The following REV1 variants were observed in gnomAD, a reference collection of about 807,000 sequenced individuals.
The protein encoded by REV1 is REV1 DNA directed polymerase, also known as translesion synthesis protein REV1.
REV1 carries 42 observed loss-of-function variants against 137.4 expected under a neutral mutation model. The observed-to-expected ratio is 0.31, with a 90% CI of 0.24 to 0.40. The LOEUF is 0.40. Ranked by LOEUF, REV1 falls within the 10% of genes least tolerant of loss-of-function variation. The pLI is 1.00. For missense variants in REV1, 1,282 were observed against 1,490.1 expected, an observed-to-expected ratio of 0.86 and a Z score of 2.30; for synonymous variants, 524 against 519.2, an observed-to-expected ratio of 1.01 and a Z score of -0.12.
chr2:99,465,107 C>A, intron 1 of REV1, 122 bp from the exon 2 acceptor site: 2 of 566,314 alleles, frequency 3.5e-6, no homozygotes, highest in Non-Finnish European at 2.9e-6. Context: ...TGAAAGTATA[C>A]AATATTAAGT....
chr2:99,483,017 C>CAA (rs540388372), intron 1 of REV1, among the ~76,000 whole-genome samples: 99 of 104,734 alleles, frequency 9.5e-4, no homozygotes, highest in African/African-American at 1.9e-3. Flanking sequence ...AACTCCGTTT[C>CAA]AAAAAAAAAA....
In REV1 at chr2:99,403,037, G is replaced by T. The variant is rs759163700; in HGVS notation, c.3236C>A (p.Thr1079Asn). 1.2e-6 allele frequency: 2 copies of T among 1,613,768 alleles called. No homozygotes were observed. The highest frequency in any genetic ancestry group is 1.3e-5 in the African/African-American group (1 of 74,842). ...KEKKRNKKKK[T>N]IGSPKRIQSP... ...CTGAATCCTTTTTGGTGAACCAATG[G>T]TTTTTTTCTTCTTGTTTCTTTTCTT... is the stretch of plus-strand genomic sequence containing the variant. The change falls in exon 20 of 23, where the codon ACC becomes AAC. Residue 1079 changes from threonine (T) to asparagine (N), a missense_variant. By Grantham distance (65) the Thr-to-Asn change is moderately conservative. Around this residue, in one of 7 missense-constraint regions of REV1, gnomAD observed 170 missense variants for 156.8 expected, o/e 1.08. Coordinates refer to ENST00000258428, the MANE Select transcript of REV1 (RefSeq NM_016316.4).
chr2:99,421,679 A>G, intron 10 of REV1, 26 bp from the exon 11 acceptor site: 1 of 1,596,460 alleles, frequency 6.3e-7, no homozygotes, highest in Non-Finnish European at 8.5e-7. Flanking sequence ...AAAGGCAACG[A>G]ATCACAGCCA....
chr2:99,420,955 G>A (rs140722354), intron 11 of REV1, among the ~76,000 whole-genome samples: 1 of 152,294 alleles, frequency 6.6e-6, no homozygotes, highest in Non-Finnish European at 1.5e-5. Flanking sequence ...CAGAGGACAC[G>A]GCTGGAAGAA....
chr2:99,459,186 T>G (rs1057207987), intron 3 of REV1, among the ~76,000 whole-genome samples: 2 of 146,748 alleles, frequency 1.4e-5, no homozygotes, highest in Non-Finnish European at 1.5e-5. Context: ...CCAGCCTGGG[T>G]GACAGAGTGA....
chr2:99,425,514 A>G (rs192395397), intron 9 of REV1, among the ~76,000 whole-genome samples: 1 of 152,328 alleles, frequency 6.6e-6, no homozygotes, highest in African/African-American at 2.4e-5. Context: ...GCACTTGCCT[A>G]GAAAAGGATG....
At chr2:99,489,210 G>A (rs1203067517) in intron 1 of REV1, among the ~76,000 whole-genome samples, 1 of 152,156 alleles carries the variant, frequency 6.6e-6, no homozygotes, top group African/African-American at 2.4e-5. Flanking sequence ...AAGCAGCAAG[G>A]AAAAACAAGG....
intron 7 of REV1, 70 bp downstream of exon 7, chr2:99,435,764 T>C (rs1680667337): frequency 1.2e-6 from 1 of 801,060 alleles, no homozygotes; most frequent in Non-Finnish European, 1.9e-6. Context: ...AAAAAAGATT[T>C]TGTAATCTCT....
At chr2:99,449,538 T>A in intron 3 of REV1, 34 bp from the exon 4 acceptor site, 1 of 1,192,624 alleles carries the variant, frequency 8.4e-7, no homozygotes, top group Non-Finnish European at 1.1e-6. Flanking sequence ...ATTAAGAGTC[T>A]TATGTGTAAG....
At chr2:99,484,491 T>A (rs994772801) in intron 1 of REV1, among the ~76,000 whole-genome samples, 2 of 152,232 alleles carry the variant, frequency 1.3e-5, no homozygotes, top group Non-Finnish European at 2.9e-5. Context: ...AAGACATTTA[T>A]GTTTTCTTAA....
At chr2:99,434,899 T>A (rs1680547859) in intron 7 of REV1, among the ~76,000 whole-genome samples, 1 of 152,194 alleles carries the variant, frequency 6.6e-6, no homozygotes, top group Non-Finnish European at 1.5e-5. Context: ...CAATCTGACC[T>A]ACCACATTAT....
At chr2:99,463,456 T>G (rs894900140) in intron 2 of REV1, among the ~76,000 whole-genome samples, 1 of 151,520 alleles carries the variant, frequency 6.6e-6, no homozygotes, top group African/African-American at 2.4e-5. Context: ...AAGGTGGAGG[T>G]TGCAAACGAG....
At chr2:99,453,355 CAAA>C (rs202156661) in intron 3 of REV1, among the ~76,000 whole-genome samples, 2 of 126,956 alleles carry the variant, frequency 1.6e-5, no homozygotes, top group Non-Finnish European at 1.7e-5. Context: ...AAGACTGTCT[CAAA>C]AAAAAAAAAA....
intron 3 of REV1, among the ~76,000 whole-genome samples, chr2:99,457,357 C>G (rs1353843961): frequency 6.6e-6 from 1 of 152,184 alleles, no homozygotes; most frequent in Admixed American, 6.5e-5. Flanking sequence ...AAAATCCCAG[C>G]AAGGTATTTT....
chr2:99,406,541 T>C (rs931584005), intron 15 of REV1, 51 bp from the exon 16 acceptor site: 8 of 1,420,116 alleles, frequency 5.6e-6, no homozygotes, highest in Admixed American at 2.6e-5. Flanking sequence ...AGTGAAAATA[T>C]GAATTCAGCT....
chr2:99,414,699 T>C (rs999202181), intron 12 of REV1, among the ~76,000 whole-genome samples: 2 of 152,212 alleles, frequency 1.3e-5, no homozygotes, highest in East Asian at 1.9e-4. Flanking sequence ...AGGGAAGACT[T>C]TGTGTCTCTC....
chr2:99,459,870 A>C (rs543541589), intron 3 of REV1, among the ~76,000 whole-genome samples: 39 of 152,276 alleles, frequency 2.6e-4, no homozygotes, highest in Non-Finnish European at 8.8e-5. Flanking sequence ...ACTGGGTTGG[A>C]AGGTATAGGG....
At chr2:99,401,515 G>T (rs1320252592) in intron 22 of REV1, among the ~76,000 whole-genome samples, 163 bp from the exon 23 acceptor site, 1 of 151,756 alleles carries the variant, frequency 6.6e-6, no homozygotes, top group Non-Finnish European at 1.5e-5. Flanking sequence ...GGGAGGCCGA[G>T]GAGGGCGGAT....
At chr2:99,448,736 G>C (rs1174513765) in intron 4 of REV1, among the ~76,000 whole-genome samples, 1 of 152,158 alleles carries the variant, frequency 6.6e-6, no homozygotes, top group East Asian at 1.9e-4. Flanking sequence ...CAAGAACACA[G>C]AACACTGCCT....
Sources: gnomAD v4.1 joint callset for allele counts (sites outside exome capture counted in the v4.1 genomes callset) on GRCh38, gnomAD v4.1.1 for gene constraint, gnomAD v4.1.1 regional missense constraint, MANE v1.5 for transcripts, NCBI Gene and HGNC (gene_info 2026-07-23, HGNC 2026-07-21) for gene names.